Variants in TEX264 observed in about 807,000 individuals in gnomAD.
TEX264 encodes testis-expressed protein 264.
TEX264 carries 13 observed loss-of-function variants against 23.4 expected under a neutral mutation model. The ratio of observed to expected loss-of-function variants is 0.56; its 90% CI spans 0.36 to 0.88. The LOEUF (loss-of-function observed/expected upper bound fraction) is 0.88, where lower values mean the gene tolerates loss of function less well. Among genes scored for constraint, TEX264 ranks in the 40% least tolerant of loss-of-function variants. The pLI, the probability that TEX264 is intolerant of heterozygous loss-of-function variation, is 0.01. For missense variants in TEX264, 340 were observed against 406.8 expected (o/e 0.84, Z 1.41); for synonymous variants, 159 against 170.0 (o/e 0.94, Z 0.50).
At position 51,703,769 on chromosome 3, in the gene TEX264, G is replaced by C. The variant is rs374502236; in HGVS notation, c.695G>C (p.Ser232Thr). Reference protein sequence around the residue: ...SDTSSVSLEVSPGSRETSAAT... With the variant: ...SDTSSVSLEVTPGSRETSAAT... ...ACGAGTTCTGTAAGCTTGGAAGTGA[G>C]CCCTGGCAGCCGGGAGACTTCAGCT... The change falls in exon 5 of 5, where the codon AGC becomes ACC. Residue 232 changes from serine (S) to threonine (T), a missense_variant. Ser to Thr is a moderately conservative substitution (Grantham distance 58, BLOSUM62 1). Coordinates refer to ENST00000341333, the MANE Select transcript of TEX264 (RefSeq NM_015926.6). This position sits in a 1 kb window ranked among gnomAD's most constrained non-coding sequence, Gnocchi z 4.8. 20 of 1,607,454 alleles carry C rather than the reference G, an allele frequency of 1.2e-5. No homozygotes were observed. The African/African-American group carries it at 2.4e-4, about 19-fold the overall frequency.
Position 51,691,201 on chromosome 3 carries a change from C to G in TEX264, c.480+6567C>G, listed in dbSNP as rs1702816377. Among the ~76,000 whole-genome samples, 1 of 152,196 alleles carries G rather than the reference C, an allele frequency of 6.6e-6. No individual in the cohort carries two copies. The highest frequency in any genetic ancestry group is 2.1e-4 in the South Asian group (1 of 4,830). On this transcript the variant is annotated intron_variant, in intron 3 of 4. Transcript: ENST00000341333. The surrounding 1 kb of genome is among the most constrained non-coding windows in gnomAD (Gnocchi z 4.4). ...ATTAAGGCAGGCCTTGGGAACTGCT[C>G]TGGGCACAGGAAGCAGCTGCTGCAG...
chr3:51,699,701 A>G (rs976746709), intron 4 of TEX264, 127 bp downstream of exon 4: 2 of 1,138,438 alleles, frequency 1.8e-6, no homozygotes, highest in Non-Finnish European at 2.5e-6. Context: ...TGCTTGGCAG[A>G]GGGAGGAAGG....
chr3:51,696,009 G>T (rs958554565), intron 3 of TEX264, among the ~76,000 whole-genome samples: 25 of 152,194 alleles, frequency 1.6e-4, no homozygotes, highest in South Asian at 4.1e-4. Flanking sequence ...GTTTCTGGCA[G>T]ACCCTGGGGG....
chr3:51,679,129 G>C (rs1702333570), intron 2 of TEX264, among the ~76,000 whole-genome samples: 1 of 152,174 alleles, frequency 6.6e-6, no homozygotes. Flanking sequence ...TTCTGGGTTT[G>C]AATCAAGGCT....
chr3:51,685,051 G>A (rs907841932), intron 3 of TEX264, among the ~76,000 whole-genome samples: 3 of 152,206 alleles, frequency 2.0e-5, no homozygotes, highest in Non-Finnish European at 4.4e-5. Flanking sequence ...TGTATTGCCC[G>A]TGGCCCTGCC....
At chr3:51,676,084 A>C (rs1702216138) in intron 2 of TEX264, among the ~76,000 whole-genome samples, 1 of 152,172 alleles carries the variant, frequency 6.6e-6, no homozygotes, top group Non-Finnish European at 1.5e-5. Context: ...AGTTGGGAGC[A>C]CTGGAGCCTG....
chr3:51,674,162 G>T, intron 1 of TEX264, 109 bp from the exon 2 acceptor site: 4 of 1,185,322 alleles, frequency 3.4e-6, no homozygotes, highest in Non-Finnish European at 4.8e-6. Context: ...TTCTGGGTCA[G>T]AGCACCCAAG....
chr3:51,677,528 G>T (rs1653068015), intron 2 of TEX264, among the ~76,000 whole-genome samples: 1 of 152,162 alleles, frequency 6.6e-6, no homozygotes, highest in African/African-American at 2.4e-5. Flanking sequence ...AGGCAGTGAG[G>T]CTGTGTCAGG....
chr3:51,691,550 A>G lies in TEX264; in HGVS notation c.480+6916A>G, dbSNP rs1702828747. On this transcript the variant is annotated intron_variant, in intron 3 of 4. Coordinates refer to ENST00000341333, the MANE Select transcript of TEX264 (RefSeq NM_015926.6). The surrounding 1 kb of genome is among the most constrained non-coding windows in gnomAD (Gnocchi z 4.4). ...GGCATTTGGGCTGCACCTATAAGGT[A>G]GGCAGTGTTCCCCAGGTGGGAAGGC... 6.6e-6 allele frequency among the ~76,000 whole-genome samples: 1 copy of G among 152,204 alleles called. No homozygotes were observed. The highest frequency in any genetic ancestry group is 6.5e-5 in the Admixed American group (1 of 15,288).
chr3:51,703,608 C>G lies in TEX264; in HGVS notation c.650-116C>G. 3 of 1,098,444 alleles carry G rather than the reference C, an allele frequency of 2.7e-6. No individual in the cohort carries two copies. The highest frequency in any genetic ancestry group is 2.3e-5 in the Admixed American group (1 of 43,132). The allele number at this position is 1,098,444 out of a possible 1,614,324, so 68.0% of individuals were successfully genotyped here. ...AGGGCAGAGGGCAGCTGGAGCAAGC[C>G]CCCTGAGCCCGGGAGGCTGCATTAT... On this transcript the variant is annotated intron_variant, in intron 4 of 4. Transcript: ENST00000341333. The surrounding 1 kb of genome is among the most constrained non-coding windows in gnomAD (Gnocchi z 4.8).
At chr3:51,690,564 A>C (rs1173580123) in intron 3 of TEX264, among the ~76,000 whole-genome samples, 1 of 151,916 alleles carries the variant, frequency 6.6e-6, no homozygotes, top group Non-Finnish European at 1.5e-5. Flanking sequence ...TCTCAAAAAA[A>C]AAAAAAAAAA....
chr3:51,696,207 A>G (rs930491348), intron 3 of TEX264, among the ~76,000 whole-genome samples: 2 of 152,012 alleles, frequency 1.3e-5, no homozygotes, highest in Non-Finnish European at 2.9e-5. Context: ...ATGTCCTGGC[A>G]ATGCTTCCAC....
In TEX264 at chr3:51,674,425, C is replaced by G. The variant is rs199677902; in HGVS notation, c.121C>G (p.Pro41Ala). The G allele has an allele frequency of 6.2e-7, 1 of 1,614,196 alleles. No homozygotes were observed. The highest frequency in any genetic ancestry group is 1.1e-5 in the South Asian group (1 of 91,086). ...LAGVEVSAGS[P>A]PIRNVTVAYK... ...TGGGGTGGAAGTGAGTGCTGGGTCA[C>G]CCCCCATCCGCAACGTCACTGTGGC... is the stretch of plus-strand genomic sequence containing the variant. The change falls in exon 2 of 5, where the codon CCC (proline) becomes GCC (alanine). Residue 41 changes from proline to alanine, a missense_variant. Coordinates refer to ENST00000341333, the MANE Select transcript of TEX264 (RefSeq NM_015926.6).
At chr3:51,677,728 G>C (rs1262430037) in intron 2 of TEX264, among the ~76,000 whole-genome samples, 1 of 152,224 alleles carries the variant, frequency 6.6e-6, no homozygotes, top group Non-Finnish European at 1.5e-5. Context: ...GTACCACTAA[G>C]ATTGGACAGT....
At chr3:51,680,030 T>G (rs1417261250) in intron 2 of TEX264, among the ~76,000 whole-genome samples, 1 of 152,168 alleles carries the variant, frequency 6.6e-6, no homozygotes, top group Non-Finnish European at 1.5e-5. Flanking sequence ...GCTCGTCTAT[T>G]CCCTTGGGAG....
chr3:51,694,905 G>C (rs985588608), intron 3 of TEX264, among the ~76,000 whole-genome samples: 2 of 152,180 alleles, frequency 1.3e-5, no homozygotes, highest in African/African-American at 4.8e-5. Context: ...GCAGCCTGGT[G>C]GGGGTGAGAG....
chr3:51,678,604 T>C (rs913975179), intron 2 of TEX264, among the ~76,000 whole-genome samples: 2 of 152,194 alleles, frequency 1.3e-5, no homozygotes, highest in African/African-American at 2.4e-5. Context: ...GAACTGGTGG[T>C]ACTTGCTTCT....
In TEX264 at chr3:51,703,852, G is replaced by A. The variant is rs770460422; in HGVS notation, c.778G>A (p.Glu260Lys). ...CTGGGATGACGGTGACACCCGCAGC[G>A]AGCACAGCTACAGCGAGTCAGGTGC... ...RGWDDGDTRSEHSYSESGASG... is the reference protein window; with the variant it reads ...RGWDDGDTRSKHSYSESGASG... Residue 260 changes from glutamate to lysine, a missense_variant, in exon 5 of 5, where the codon GAG (glutamate) becomes AAG (lysine). Coordinates refer to ENST00000341333, the MANE Select transcript of TEX264 (RefSeq NM_015926.6). This position sits in a 1 kb window ranked among gnomAD's most constrained non-coding sequence, Gnocchi z 4.8. The A allele has an allele frequency of 3.7e-6, 6 of 1,612,926 alleles. No individual in the cohort carries two copies. Among genetic ancestry groups the A allele is most frequent in the Admixed American group, 3.3e-5 (2 of 59,992 alleles).
intron 4 of TEX264, among the ~76,000 whole-genome samples, chr3:51,701,585 G>A (rs1577538515): frequency 6.6e-6 from 1 of 152,042 alleles, no homozygotes; most frequent in East Asian, 1.9e-4. Context: ...GCCTCCCAAA[G>A]TGTTGGGATT....
Sources: gnomAD v4.1 joint callset for allele counts (sites outside exome capture counted in the v4.1 genomes callset) on GRCh38, gnomAD v4.1.1 for gene constraint, Gnocchi (gnomAD v3.1) non-coding constraint, MANE v1.5 for transcripts, NCBI Gene and HGNC (gene_info 2026-07-23, HGNC 2026-07-21) for gene names.